ADAMTSL1: variants seen among roughly 807,000 people sequenced by gnomAD.
ADAMTSL1 encodes the protein ADAMTS like 1.
ADAMTSL1 carries 126 observed loss-of-function variants against 201.8 expected under a neutral mutation model. That is an observed-to-expected ratio of 0.62 (90% confidence interval 0.54 to 0.72). The LOEUF is 0.72. ADAMTSL1 is among the 30% of genes least tolerant of loss of function. The pLI is 0.00. For missense variants in ADAMTSL1, 2,679 were observed against 2,277.8 expected (o/e 1.18, Z -3.59); for synonymous variants, 1,121 against 903.4 (o/e 1.24, Z -4.32).
intron 23 of ADAMTSL1, among the ~76,000 whole-genome samples, chr9:18,885,666 C>A (rs765589601): frequency 1.1e-4 from 16 of 152,064 alleles, no homozygotes; most frequent in Non-Finnish European, 1.6e-4. Context: ...TTCCAGGGGT[C>A]CATTTTTAGG....
chr9:18,488,597 G>A (rs888805326), intron 1 of ADAMTSL1, among the ~76,000 whole-genome samples: 1 of 152,098 alleles, frequency 6.6e-6, no homozygotes, highest in African/African-American at 2.4e-5. Context: ...TGTAAAACAG[G>A]GGTCAACAAT....
intron 1 of ADAMTSL1, among the ~76,000 whole-genome samples, chr9:18,029,821 G>T (rs928376535): frequency 6.6e-6 from 1 of 152,208 alleles, no homozygotes; most frequent in Admixed American, 6.5e-5. Flanking sequence ...GGCCATCAGA[G>T]AAATGCAAAT....
intron 15 of ADAMTSL1, among the ~76,000 whole-genome samples, chr9:18,743,249 A>C (rs1818944648): frequency 6.6e-6 from 1 of 152,182 alleles, no homozygotes. Context: ...TGTTAGAGTG[A>C]GGGAAGGCTG....
chr9:18,873,157 A>G (rs2131470112), intron 23 of ADAMTSL1, among the ~76,000 whole-genome samples: 1 of 151,462 alleles, frequency 6.6e-6, no homozygotes, highest in South Asian at 2.1e-4. Flanking sequence ...TAGCCCACTT[A>G]TGGATAGGAT....
intron 2 of ADAMTSL1, among the ~76,000 whole-genome samples, chr9:18,223,308 T>C (rs903748747): frequency 7.2e-5 from 11 of 152,114 alleles, no homozygotes; most frequent in Non-Finnish European, 1.3e-4. Flanking sequence ...TTAAGAATAA[T>C]GCAATTATTC....
intron 19 of ADAMTSL1, among the ~76,000 whole-genome samples, chr9:18,794,411 A>AC (rs765804507): frequency 5.8e-4 from 50 of 86,728 alleles, no homozygotes; most frequent in Admixed American, 1.5e-3. Flanking sequence ...TCTCAAAAAA[A>AC]AAAAACAAAA....
intron 16 of ADAMTSL1, among the ~76,000 whole-genome samples, chr9:18,755,711 A>C (rs1391222493): frequency 1.3e-5 from 2 of 152,164 alleles, no homozygotes; most frequent in East Asian, 3.9e-4. Context: ...ACTTATTCTT[A>C]AATTTTCATC....
At chr9:18,344,392 A>G (rs1018239614) in intron 2 of ADAMTSL1, among the ~76,000 whole-genome samples, 2 of 152,080 alleles carry the variant, frequency 1.3e-5, no homozygotes, top group Non-Finnish European at 2.9e-5. Context: ...CCTGGCCTCA[A>G]GAGATCCTTC....
Position 18,777,145 on chromosome 9 carries a change from G to A in ADAMTSL1, c.2916G>A (p.Leu972=). The A allele has an allele frequency of 6.2e-7, 1 of 1,613,008 alleles. No individual in the cohort carries two copies. Among genetic ancestry groups the A allele is most frequent in the South Asian group, 1.1e-5 (1 of 91,074 alleles). ...ACCGCAAGCTCGTGGCCCGGCCCTTGAGCCCGAGAAGTGAGGAAGAGGTGC... is the reference window on the plus strand; with the variant it reads ...ACCGCAAGCTCGTGGCCCGGCCCTTAAGCCCGAGAAGTGAGGAAGAGGTGC... ...GGNRKLVARP[L]SPRSEEEVLA... is the part of the protein sequence containing the mutation. The change falls in exon 19 of 29, where the codon TTG becomes TTA. Residue 972 remains leucine (L), a synonymous_variant. Transcript: ENST00000380548.
At chr9:17,997,001 C>G (rs963614078) in intron 1 of ADAMTSL1, among the ~76,000 whole-genome samples, 2 of 152,110 alleles carry the variant, frequency 1.3e-5, no homozygotes, top group Non-Finnish European at 2.9e-5. Flanking sequence ...CAGATAAGAA[C>G]CTACGTAAGC....
At chr9:18,296,212 GCAAA>G (rs943766781) in intron 2 of ADAMTSL1, among the ~76,000 whole-genome samples, 6 of 152,200 alleles carry the variant, frequency 3.9e-5, no homozygotes, top group African/African-American at 1.4e-4. Context: ...TCTTTAAAAA[GCAAA>G]CAAACAAAAC....
intron 1 of ADAMTSL1, among the ~76,000 whole-genome samples, chr9:18,498,736 G>T (rs899888589): frequency 3.3e-5 from 5 of 152,188 alleles, no homozygotes; most frequent in African/African-American, 1.2e-4. Flanking sequence ...TCACTCTAAA[G>T]TCTGTGCTCT....
intron 2 of ADAMTSL1, among the ~76,000 whole-genome samples, chr9:18,526,791 A>C (rs904707049): frequency 2.6e-5 from 4 of 152,216 alleles, no homozygotes; most frequent in African/African-American, 9.6e-5. Flanking sequence ...TTGATGTGAC[A>C]GGAGAAACTG....
In ADAMTSL1 at chr9:18,373,756, C is replaced by A. The variant is rs753684297; in HGVS notation, c.208-131073C>A. 1.3e-4 allele frequency among the ~76,000 whole-genome samples: 20 copies of A among 152,172 alleles called. 1 individual carries two copies. The highest frequency in any genetic ancestry group is 2.8e-4 in the Non-Finnish European group (19 of 68,034). ...ATAGCGTTGTCCCATTCTAGAGTGC[C>A]AAGTTACAAACAGGGCAAAATCTCC... On this transcript the variant is annotated intron_variant, in intron 2 of 29. Transcript: ENST00000680146.
At chr9:18,435,498 A>C (rs1213600330) in intron 2 of ADAMTSL1, among the ~76,000 whole-genome samples, 1 of 152,078 alleles carries the variant, frequency 6.6e-6, no homozygotes, top group African/African-American at 2.4e-5. Flanking sequence ...CTACTATGAG[A>C]ATATATAGGA....
intron 2 of ADAMTSL1, among the ~76,000 whole-genome samples, chr9:18,515,971 T>G (rs896310351): frequency 2.0e-5 from 3 of 151,960 alleles, no homozygotes; most frequent in Admixed American, 1.3e-4. Flanking sequence ...GCAAATTCTC[T>G]GAGACTCACC....
At chr9:17,936,092 A>G (rs1223519917) in intron 1 of ADAMTSL1, among the ~76,000 whole-genome samples, 1 of 152,194 alleles carries the variant, frequency 6.6e-6, no homozygotes, top group Admixed American at 6.5e-5. Context: ...AGAAAACAAA[A>G]CAAAAATAAT....
intron 2 of ADAMTSL1, among the ~76,000 whole-genome samples, chr9:18,250,182 C>T (rs544918484): frequency 3.4e-4 from 52 of 152,324 alleles, no homozygotes; most frequent in African/African-American, 1.2e-3. Flanking sequence ...CACAAGCCTG[C>T]CCTCCAGTCA....
intron 2 of ADAMTSL1, among the ~76,000 whole-genome samples, chr9:18,191,421 G>A (rs768184705): frequency 3.9e-5 from 6 of 152,142 alleles, no homozygotes; most frequent in African/African-American, 7.2e-5. Context: ...CATCTCAGGC[G>A]ACAGAGACCA....
Sources: allele counts gnomAD v4.1 joint callset (sites outside exome capture counted in the v4.1 genomes callset), GRCh38; gene constraint gnomAD v4.1.1; transcripts MANE v1.5; gene names NCBI Gene and HGNC (gene_info 2026-07-23, HGNC 2026-07-21).